Variants in AK5 observed in about 807,000 individuals in gnomAD.
The protein encoded by AK5 is adenylate kinase isoenzyme 5.
A neutral mutation model predicts 69.5 loss-of-function variants in AK5; 27 were observed. The ratio of observed to expected loss-of-function variants is 0.39; its 90% CI spans 0.29 to 0.54. The LOEUF is 0.54. AK5 is among the 20% of genes least tolerant of loss of function. The pLI, the probability that AK5 is intolerant of heterozygous loss-of-function variation, is 0.71. For synonymous variants in AK5, 260 were observed against 244.4 expected (o/e 1.06, Z -0.60); for missense variants, 531 against 700.4 (o/e 0.76, Z 2.73).
intron 3 of AK5, among the ~76,000 whole-genome samples, chr1:77,296,334 A>T (rs1183022281): frequency 6.6e-6 from 1 of 152,172 alleles, no homozygotes; most frequent in Non-Finnish European, 1.5e-5. Flanking sequence ...GAGATAAGTG[A>T]ACAGAACAAA....
chr1:77,518,855 C>G, intron 11 of AK5, 128 bp downstream of exon 11: 1 of 926,886 alleles, frequency 1.1e-6, no homozygotes, highest in Non-Finnish European at 1.6e-6. Flanking sequence ...TTATTTCCCT[C>G]CTTTGCAGCA....
intron 8 of AK5, among the ~76,000 whole-genome samples, chr1:77,479,739 A>G (rs956723021): frequency 1.3e-5 from 2 of 152,208 alleles, no homozygotes; most frequent in African/African-American, 2.4e-5. Flanking sequence ...AAAGTCACCT[A>G]TGTCCCGTTG....
chr1:77,520,317 T>G (rs1657912581), intron 11 of AK5, among the ~76,000 whole-genome samples: 1 of 152,186 alleles, frequency 6.6e-6, no homozygotes, highest in Non-Finnish European at 1.5e-5. Context: ...GTTCAAACAC[T>G]TCTGACACAG....
intron 6 of AK5, among the ~76,000 whole-genome samples, chr1:77,388,982 G>GA (rs1648237223): frequency 1.3e-5 from 2 of 152,288 alleles, no homozygotes; most frequent in South Asian, 4.1e-4. Flanking sequence ...AGCTAGCTCC[G>GA]AAATGAGAAC....
chr1:77,372,527 G>T (rs1340219386), intron 6 of AK5, among the ~76,000 whole-genome samples: 1 of 152,172 alleles, frequency 6.6e-6, no homozygotes, highest in African/African-American at 2.4e-5. Flanking sequence ...ATGACTCTTA[G>T]TCATTCTTAA....
At chr1:77,287,209 A>G in intron 2 of AK5, 82 bp downstream of exon 2, 1 of 1,047,750 alleles carries the variant, frequency 9.5e-7, no homozygotes, top group Admixed American at 3.4e-5. Context: ...ATACACAGTG[A>G]TTTCATTTTT....
At position 77,293,922 on chromosome 1, in the gene AK5, A is replaced by T. The variant is rs751772762; in HGVS notation, c.377A>T (p.Asp126Val). 3.7e-6 allele frequency: 6 copies of T among 1,613,324 alleles called. No individual in the cohort carries two copies. Among genetic ancestry groups the T allele is most frequent in the Non-Finnish European group, 5.1e-6 (6 of 1,179,776 alleles). The stretch of plus-strand genomic sequence containing the variant: ...TTGATTGAGGAGTATGAGGTTTTTG[A>T]TCCTACCAGACCTCGACCAAAAATC... ...AELIEEYEVF[D>V]PTRPRPKIIL... Residue 126 changes from aspartate to valine, a missense_variant, in exon 3 of 14, where the codon GAT becomes GTT. Transcript: ENST00000354567.
intron 10 of AK5, among the ~76,000 whole-genome samples, chr1:77,495,550 C>T (rs1656264954): frequency 6.6e-6 from 1 of 152,150 alleles, no homozygotes; most frequent in Non-Finnish European, 1.5e-5. Context: ...CATAAAAGTA[C>T]CCTAAACCAT....
intron 6 of AK5, among the ~76,000 whole-genome samples, chr1:77,373,948 T>G (rs1248824061): frequency 1.3e-5 from 2 of 152,200 alleles, no homozygotes; most frequent in African/African-American, 4.8e-5. Context: ...CTACTTAAAA[T>G]ATTATCCTAA....
chr1:77,418,968 CGTT>C (rs1553148318), intron 8 of AK5, among the ~76,000 whole-genome samples: 1 of 151,974 alleles, frequency 6.6e-6, no homozygotes, highest in Non-Finnish European at 1.5e-5. Flanking sequence ...ACATGCAAAA[CGTT>C]GTGCCGAGTT....
intron 6 of AK5, among the ~76,000 whole-genome samples, chr1:77,397,514 A>G (rs1648911697): frequency 6.6e-6 from 1 of 152,214 alleles, no homozygotes; most frequent in South Asian, 2.1e-4. Context: ...TTTACTATCC[A>G]GAATGATTGT....
chr1:77,402,795 C>G (rs1023886043), intron 6 of AK5, among the ~76,000 whole-genome samples: 4 of 152,090 alleles, frequency 2.6e-5, no homozygotes, highest in African/African-American at 4.8e-5. Context: ...ATTTATAGTC[C>G]TTTGTGTATA....
At chr1:77,381,330 C>A (rs1189709879) in intron 6 of AK5, among the ~76,000 whole-genome samples, 1 of 152,146 alleles carries the variant, frequency 6.6e-6, no homozygotes, top group Non-Finnish European at 1.5e-5. Context: ...TTCTCCTCCA[C>A]CAGAACTGGG....
At chr1:77,343,317 G>A (rs1661753754) in intron 6 of AK5, among the ~76,000 whole-genome samples, 1 of 152,126 alleles carries the variant, frequency 6.6e-6, no homozygotes, top group South Asian at 2.1e-4. Context: ...GAAACTTCAT[G>A]TTAGTACCCC....
intron 10 of AK5, 114 bp downstream of exon 10, chr1:77,486,466 CG>C (rs1246338730): frequency 7.7e-6 from 5 of 646,674 alleles, no homozygotes; most frequent in Non-Finnish European, 1.3e-5. Context: ...GAGGCCAAGG[CG>C]GGCAGATCAC....
intron 13 of AK5, among the ~76,000 whole-genome samples, chr1:77,536,627 G>A (rs959414955): frequency 3.9e-5 from 6 of 152,222 alleles, no homozygotes; most frequent in African/African-American, 1.4e-4. Flanking sequence ...AAAAGAGAGA[G>A]AGGGAGAGAG....
intron 6 of AK5, among the ~76,000 whole-genome samples, chr1:77,369,675 A>G (rs1355899714): frequency 6.6e-6 from 1 of 152,228 alleles, no homozygotes; most frequent in Non-Finnish European, 1.5e-5. Flanking sequence ...CAGTATAGAA[A>G]AATGGTAAAT....
At chr1:77,491,689 T>C (rs1656017502) in intron 10 of AK5, among the ~76,000 whole-genome samples, 1 of 152,242 alleles carries the variant, frequency 6.6e-6, no homozygotes, top group South Asian at 2.1e-4. Flanking sequence ...TTAAATTAAA[T>C]ATGAAAGAAC....
chr1:77,507,275 C>T (rs1161860073), intron 10 of AK5, among the ~76,000 whole-genome samples: 1 of 152,216 alleles, frequency 6.6e-6, no homozygotes, highest in Non-Finnish European at 1.5e-5. Context: ...TCCAGAAAGA[C>T]AGGCCAGAAG....
Sources: gnomAD v4.1 joint callset for allele counts (sites outside exome capture counted in the v4.1 genomes callset) on GRCh38, gnomAD v4.1.1 for gene constraint, MANE v1.5 for transcripts, NCBI Gene and HGNC (gene_info 2026-07-23, HGNC 2026-07-21) for gene names.